The following GAREM1 variants were observed in gnomAD, a reference collection of about 807,000 sequenced individuals.
GAREM1 encodes the protein GRB2-associated and regulator of MAPK protein 1.
A neutral mutation model predicts 71.3 loss-of-function variants in GAREM1; 26 were observed. The observed-to-expected ratio is 0.36, with a 90% CI of 0.27 to 0.51. The LOEUF is 0.51. GAREM1 is among the 20% of genes least tolerant of loss of function. The pLI is 0.95. For missense variants in GAREM1, 1,026 were observed against 1,103.1 expected, an observed-to-expected ratio of 0.93 and a Z score of 0.99; for synonymous variants, 440 against 433.2, an observed-to-expected ratio of 1.02 and a Z score of -0.20.
intron 1 of GAREM1, among the ~76,000 whole-genome samples, chr18:32,397,634 A>T (rs928520664): frequency 6.6e-6 from 1 of 152,226 alleles, no homozygotes; most frequent in African/African-American, 2.4e-5. Flanking sequence ...CCAATACAGG[A>T]GCACTCAGAT....
In GAREM1 at chr18:32,268,043, A is replaced by G. The variant is rs1239685488; in HGVS notation, c.2459T>C (p.Leu820Pro). Residue 820 changes from leucine to proline, a missense_variant, in exon 6 of 6, where the codon CTA (leucine) becomes CCA (proline). Leu to Pro is a moderately conservative substitution (Grantham distance 98). Around this residue, in one of 3 missense-constraint regions of GAREM1, gnomAD observed 636 missense variants for 631.2 expected, o/e 1.01. Transcript: ENST00000269209. ...GLSIEEVSKS[L>P]RFIGLSEDVI... is the part of the protein sequence containing the mutation. ...ATCTTCGGACAAACCAATGAACCGT[A>G]GTGACTTGGACACTTCCTCTATAGA... 1 of 1,613,994 alleles carries G rather than the reference A, an allele frequency of 6.2e-7. No individual in the cohort carries two copies. The highest frequency in any genetic ancestry group is 8.5e-7 in the Non-Finnish European group (1 of 1,179,996).
chr18:32,390,312 A>T (rs2048183629), intron 2 of GAREM1, among the ~76,000 whole-genome samples: 2 of 152,246 alleles, frequency 1.3e-5, no homozygotes, highest in South Asian at 4.1e-4. Flanking sequence ...GATATGAAAC[A>T]CAAAACAAAA....
Position 32,470,527 on chromosome 18 carries a change from G to A in GAREM1, c.-99C>T, listed in dbSNP as rs1260563046. 2.7e-5 allele frequency: 24 copies of A among 891,658 alleles called. No homozygotes were observed. The highest frequency in any genetic ancestry group is 1.4e-5 in the Non-Finnish European group (10 of 740,470). 55.2% of individuals were successfully genotyped at this position (891,658 alleles called of 1,614,324 possible). A position where few individuals can be genotyped will look rare whatever the true frequency, so the allele number is the denominator to read the frequency against. On this transcript the variant is annotated 5_prime_UTR_variant, in exon 1 of 6. Transcript: ENST00000269209. This position sits in a 1 kb window ranked among gnomAD's most constrained non-coding sequence, Gnocchi z 4.4. ...TGCTCGCGCTCGCGGTCTGGGGCGC[G>A]CGGGAGGCGCCGGGCAGCTCCGGCC...
chr18:32,404,408 C>T (rs570068318), intron 1 of GAREM1, among the ~76,000 whole-genome samples: 2 of 151,742 alleles, frequency 1.3e-5, no homozygotes. Flanking sequence ...GACACACGCT[C>T]ATGTTGGGTT....
At chr18:32,399,346 A>G (rs1485654545) in intron 1 of GAREM1, among the ~76,000 whole-genome samples, 5 of 152,204 alleles carry the variant, frequency 3.3e-5, no homozygotes, top group African/African-American at 1.2e-4. Context: ...AGAAAGAAAT[A>G]AAGGGTATTC....
At chr18:32,398,544 T>C (rs2048280527) in intron 1 of GAREM1, among the ~76,000 whole-genome samples, 4 of 152,116 alleles carry the variant, frequency 2.6e-5, no homozygotes, top group Admixed American at 2.6e-4. Flanking sequence ...AACACCTCTA[T>C]GCAAATAAAC....
At chr18:32,327,632 G>A (rs2047486716) in intron 2 of GAREM1, among the ~76,000 whole-genome samples, 1 of 152,214 alleles carries the variant, frequency 6.6e-6, no homozygotes, top group South Asian at 2.1e-4. Flanking sequence ...AACCTAGAGT[G>A]TGACTGGATA....
At chr18:32,370,391 C>A (rs1419894343) in intron 2 of GAREM1, among the ~76,000 whole-genome samples, 3 of 149,676 alleles carry the variant, frequency 2.0e-5, no homozygotes, top group African/African-American at 7.4e-5. Flanking sequence ...TCACCGCACT[C>A]CAGCCTGGCA....
chr18:32,433,471 A>G (rs1039439085), intron 1 of GAREM1, among the ~76,000 whole-genome samples: 1 of 151,882 alleles, frequency 6.6e-6, no homozygotes, highest in African/African-American at 2.4e-5. Context: ...AATTAAAAAC[A>G]TATAATTAAA....
intron 2 of GAREM1, among the ~76,000 whole-genome samples, chr18:32,349,827 G>C (rs939956138): frequency 6.6e-6 from 1 of 152,204 alleles, no homozygotes; most frequent in African/African-American, 2.4e-5. Flanking sequence ...TGAAGGGCAA[G>C]TACTGAAAAC....
At chr18:32,398,149 G>C (rs989682624) in intron 1 of GAREM1, among the ~76,000 whole-genome samples, 2 of 152,064 alleles carry the variant, frequency 1.3e-5, no homozygotes. Flanking sequence ...AGAATCTCTG[G>C]GACACATTTA....
intron 1 of GAREM1, chr18:32,412,346 C>T (rs1165084591): frequency 3.8e-6 from 6 of 1,593,794 alleles, no homozygotes; most frequent in Non-Finnish European, 5.1e-6. Context: ...AATTTCCTCC[C>T]TTCATGGGTC....
intron 2 of GAREM1, among the ~76,000 whole-genome samples, chr18:32,362,644 C>A (rs973211915): frequency 1.2e-4 from 18 of 152,106 alleles, no homozygotes; most frequent in Non-Finnish European, 2.2e-4. Context: ...TGGGATAAAA[C>A]CCCTAATATT....
chr18:32,283,583 A>G (rs2046977130), intron 4 of GAREM1, among the ~76,000 whole-genome samples: 1 of 152,168 alleles, frequency 6.6e-6, no homozygotes. Flanking sequence ...AAAAATTATT[A>G]AACAATCTTT....
intron 1 of GAREM1, among the ~76,000 whole-genome samples, chr18:32,401,310 G>C: frequency 6.6e-6 from 1 of 151,744 alleles, no homozygotes; most frequent in East Asian, 1.9e-4. Flanking sequence ...ATGTACCCTA[G>C]AACTTAAAGT....
intron 1 of GAREM1, among the ~76,000 whole-genome samples, chr18:32,449,928 A>T (rs1271706696): frequency 1.3e-5 from 2 of 152,178 alleles, no homozygotes; most frequent in Non-Finnish European, 2.9e-5. Context: ...ATTTAGGTGG[A>T]GACCCCTATG....
intron 2 of GAREM1, among the ~76,000 whole-genome samples, chr18:32,384,176 C>G (rs2048123163): frequency 6.6e-6 from 1 of 152,174 alleles, no homozygotes; most frequent in Non-Finnish European, 1.5e-5. Context: ...CCAGCCACAG[C>G]TGGGAGCAAT....
intron 3 of GAREM1, among the ~76,000 whole-genome samples, chr18:32,297,408 TGCTTGGCACATG>T (rs2047153173): frequency 6.6e-6 from 1 of 152,350 alleles, no homozygotes; most frequent in Non-Finnish European, 1.5e-5. Flanking sequence ...ATGCTCACAG[TGCTTGGCACATG>T]GTAGGCTCTC....
intron 1 of GAREM1, among the ~76,000 whole-genome samples, chr18:32,395,326 CG>C (rs1434290890): frequency 6.6e-6 from 1 of 152,210 alleles, no homozygotes; most frequent in Non-Finnish European, 1.5e-5. Flanking sequence ...TAGGCGCATA[CG>C]GGTGAACAAA....
Sources: gnomAD v4.1 joint callset for allele counts (sites outside exome capture counted in the v4.1 genomes callset) on GRCh38, gnomAD v4.1.1 for gene constraint, gnomAD v4.1.1 regional missense constraint, Gnocchi (gnomAD v3.1) non-coding constraint, MANE v1.5 for transcripts, NCBI Gene and HGNC (gene_info 2026-07-23, HGNC 2026-07-21) for gene names.